The following MCM6 variants were observed in gnomAD, a reference collection of about 807,000 sequenced individuals.
The protein encoded by MCM6 is DNA replication licensing factor MCM6.
A neutral mutation model predicts 94.3 loss-of-function variants in MCM6; 46 were observed. The observed-to-expected ratio is 0.49, with a 90% CI of 0.39 to 0.62. The LOEUF (loss-of-function observed/expected upper bound fraction) is 0.62, where lower values mean the gene tolerates loss of function less well. MCM6 is among the 20% of genes least tolerant of loss of function. The pLI is 0.00. For missense variants in MCM6, 865 were observed against 1,017.9 expected, an observed-to-expected ratio of 0.85 and a Z score of 2.04; for synonymous variants, 335 against 351.9, an observed-to-expected ratio of 0.95 and a Z score of 0.54.
Position 135,848,139 on chromosome 2 carries a change from A to AT in MCM6, c.1966dup (p.Ile656AsnfsTer8). ...GACATCAGGTGTTTCCACACGGATG[A>AT]TTGATTTATTCAGTAACCGGAAAGC... On this transcript the variant is annotated frameshift_variant, in exon 14 of 17. Transcript: ENST00000264156. LOFTEE classifies it high-confidence loss of function. 1 of 1,611,592 alleles carries AT rather than the reference A, an allele frequency of 6.2e-7. No individual in the cohort carries two copies. The highest frequency in any genetic ancestry group is 1.1e-5 in the South Asian group (1 of 91,006).
rs146829469 is a variant in MCM6 at position 135,846,387 on chromosome 2, C to T, written c.2059G>A (p.Ala687Thr). The change falls in exon 15 of 17, where the codon GCT becomes ACT. Residue 687 changes from alanine to threonine, a missense_variant. Physicochemically the swap from Ala to Thr is moderately conservative, Grantham distance 58. Coordinates refer to ENST00000264156, the MANE Select transcript of MCM6 (RefSeq NM_005915.6). Reference sequence around the variant, plus strand: ...CCGTTCACAGGAGCAGGGCTGTCAGCATGACCTAAGTGAAAAATTGACCAC... The same window carrying T: ...CCGTTCACAGGAGCAGGGCTGTCAGTATGACCTAAGTGAAAAATTGACCAC... Reference protein sequence around the residue: ...DEGAGGINGHADSPAPVNGIN... With the variant: ...DEGAGGINGHTDSPAPVNGIN... The T allele has an allele frequency of 8.7e-6, 14 of 1,613,936 alleles. No individual in the cohort carries two copies. Among genetic ancestry groups the T allele is most frequent in the Non-Finnish European group, 1.1e-5 (13 of 1,179,914 alleles).
rs780883194 is a variant in MCM6, at chr2:135,839,727, A to AT, written c.*1107dup. 2 of 152,188 alleles carry AT rather than the reference A, an allele frequency of 1.3e-5. No individual in the cohort carries two copies. Among genetic ancestry groups the AT allele is most frequent in the Non-Finnish European group, 2.9e-5 (2 of 68,032 alleles). The allele number at this position is 152,188 out of a possible 1,614,324, so 9.4% of individuals were successfully genotyped here. Reference sequence around the variant, plus strand: ...ATACAAGTTGATTCCAGGGAAAGAGATAATTATTGGGAGAAACATATTTAA... The same window carrying AT: ...ATACAAGTTGATTCCAGGGAAAGAGATTAATTATTGGGAGAAACATATTTAA... On this transcript the variant is annotated 3_prime_UTR_variant, in exon 17 of 17. Transcript: ENST00000264156.
At chr2:135,869,939 A>C (rs1221516555) in intron 3 of MCM6, among the ~76,000 whole-genome samples, 1 of 152,110 alleles carries the variant, frequency 6.6e-6, no homozygotes, top group Non-Finnish European at 1.5e-5. Context: ...AATGCAAACC[A>C]CTATTTTTTC....
In MCM6 at chr2:135,846,289, C is replaced by T. The variant is rs1450829694; in HGVS notation, c.2157G>A (p.Glu719=). 1.9e-6 allele frequency: 3 copies of T among 1,614,010 alleles called. No individual in the cohort carries two copies. The highest frequency in any genetic ancestry group is 2.2e-5 in the East Asian group (1 of 44,888). ...PKASLRLGFS[E]YCRISNLIVL... Reference sequence around the variant, plus strand: ...CAATAAGGTTAGAGATTCGGCAGTACTCAGAGAAGCCCAGCCTTAAGGAGG... The same window carrying T: ...CAATAAGGTTAGAGATTCGGCAGTATTCAGAGAAGCCCAGCCTTAAGGAGG... Residue 719 remains glutamate, a synonymous_variant, in exon 15 of 17, where the codon GAG becomes GAA. Coordinates refer to ENST00000264156, the MANE Select transcript of MCM6 (RefSeq NM_005915.6).
At chr2:135,861,720 C>T (rs1679995955) in intron 8 of MCM6, among the ~76,000 whole-genome samples, 1 of 152,180 alleles carries the variant, frequency 6.6e-6, no homozygotes, top group South Asian at 2.1e-4. Context: ...TCACGCCATT[C>T]TCCTGCCTCA....
In MCM6 at chr2:135,876,366, A is replaced by G. The variant is rs1276191866; in HGVS notation, c.-1T>C. On this transcript the variant is annotated 5_prime_UTR_variant, in exon 1 of 17. Transcript: ENST00000264156. ...GCTCCGCTGCCGCCGCGAGGTCCAT[A>G]TTTGCTTAGTGCCGAGGATTCGCCT... is the stretch of plus-strand genomic sequence containing the variant. 5 of 1,603,418 alleles carry G rather than the reference A, an allele frequency of 3.1e-6. No individual in the cohort carries two copies. The Admixed American group carries it at 5.1e-5, about 16-fold the overall frequency.
At position 135,854,529 on chromosome 2, in the gene MCM6, C is replaced by CA. The variant is rs1181597035; in HGVS notation, c.1627-1615dup. Among the ~76,000 whole-genome samples the CA allele has an allele frequency of 2.4e-3, 120 of 49,952 alleles. 1 individual carries two copies. Among genetic ancestry groups the CA allele is most frequent in the African/African-American group, 8.7e-3 (108 of 12,434 alleles). 32.8% of individuals were successfully genotyped at this position (49,952 alleles called of 152,430 possible). ...TGGGTAACAGAGCGAGACTCCATCT[C>CA]AAAAAAAAAAAAAAAAAAAAAAGAG... On this transcript the variant is annotated intron_variant, in intron 11 of 16. Transcript: ENST00000264156.
intron 16 of MCM6, among the ~76,000 whole-genome samples, chr2:135,841,376 TAGG>T (rs1257678843): frequency 6.6e-6 from 1 of 152,148 alleles, no homozygotes; most frequent in Admixed American, 6.6e-5. Flanking sequence ...TTCATAGAGT[TAGG>T]AGAAGAATCT....
chr2:135,860,236 C>T lies in MCM6; in HGVS notation c.1221-794G>A, dbSNP rs553309980. Among the ~76,000 whole-genome samples, 20 of 151,970 alleles carry T rather than the reference C, an allele frequency of 1.3e-4. No individual in the cohort carries two copies. The South Asian group carries it at 2.5e-3, about 19-fold the overall frequency. ...CAAGCTCTGCCTACTGGGTTCATGCCATTCTCCTGCTTCAGCCTCTCGAGT... is the reference window on the plus strand; with the variant it reads ...CAAGCTCTGCCTACTGGGTTCATGCTATTCTCCTGCTTCAGCCTCTCGAGT... On this transcript the variant is annotated intron_variant, in intron 8 of 16. Transcript: ENST00000264156.
rs1680227315 is a variant in MCM6, at chr2:135,872,848, A to G, written c.108-5T>C. 1 of 1,613,756 alleles carries G rather than the reference A, an allele frequency of 6.2e-7. No homozygotes were observed. Among genetic ancestry groups the G allele is most frequent in the South Asian group, 1.1e-5 (1 of 91,064 alleles). ...TCTCCATCGCTGCTCTGAAACCTGC[A>G]GGTACATTCGAGTCAACTAGATTAA... On this transcript the variant is annotated splice_region_variant and splice_polypyrimidine_tract_variant and intron_variant, in intron 1 of 16. Transcript: ENST00000264156.
intron 11 of MCM6, among the ~76,000 whole-genome samples, chr2:135,853,708 T>G (rs1298925026): frequency 6.8e-6 from 1 of 146,570 alleles, no homozygotes; most frequent in South Asian, 2.3e-4. Flanking sequence ...CACTAAATTT[T>G]GAAGATATTC....
At position 135,866,744 on chromosome 2, in the gene MCM6, A is replaced by C. The variant is rs3087348; in HGVS notation, c.616-16T>G. 6.4e-3 allele frequency: 10,047 copies of C among 1,578,572 alleles called. 664 individuals carry two copies. In the East Asian group the frequency reaches 0.16, roughly 26 times the overall value. Reference sequence around the variant, plus strand: ...GAATACGAACCTGTAATACAGACAAACAACCAACCAAGAATGAGAAGCAAT... The same window carrying C: ...GAATACGAACCTGTAATACAGACAACCAACCAACCAAGAATGAGAAGCAAT... On this transcript the variant is annotated splice_polypyrimidine_tract_variant and intron_variant, in intron 4 of 16. Coordinates refer to ENST00000264156, the MANE Select transcript of MCM6 (RefSeq NM_005915.6).
rs188294979 is a variant in MCM6, at chr2:135,846,389, T to A, written c.2057A>T (p.His686Leu). Residue 686 changes from histidine to leucine, a missense_variant, in exon 15 of 17, where the codon CAT becomes CTT. This residue lies in a region of MCM6 where 308 missense variants were observed against 324.5 expected (regional missense o/e 0.95). Transcript: ENST00000264156. ...VDEGAGGING[H>L]ADSPAPVNGI... ...GTTCACAGGAGCAGGGCTGTCAGCA[T>A]GACCTAAGTGAAAAATTGACCACCT... The A allele has an allele frequency of 3.1e-6, 5 of 1,614,038 alleles. No individual in the cohort carries two copies. The Admixed American group carries it at 8.3e-5, about 27-fold the overall frequency.
chr2:135,866,155 A>T lies in MCM6; in HGVS notation c.904T>A (p.Cys302Ser). ...LSYRLVFLAC[C>S]VAPTNPRFGG... is the part of the protein sequence containing the mutation. ...ACCCTTGGGTTGGTTGGCGCAACAC[A>T]GCAGGCAAGAAAGACCAGCCTATAA... Residue 302 changes from cysteine to serine, a missense_variant, in exon 6 of 17, where the codon TGT (cysteine) becomes AGT (serine). Physicochemically the swap from Cys to Ser is moderately radical, Grantham distance 112 (BLOSUM62 -1). This residue lies in a region of MCM6 where 404 missense variants were observed against 451.9 expected (regional missense o/e 0.89). Transcript: ENST00000264156. 6.2e-7 allele frequency: 1 copy of T among 1,614,150 alleles called. No homozygotes were observed. Among genetic ancestry groups the T allele is most frequent in the Non-Finnish European group, 8.5e-7 (1 of 1,180,014 alleles).
At chr2:135,854,122 G>A (rs1467358111) in intron 11 of MCM6, among the ~76,000 whole-genome samples, 3 of 152,180 alleles carry the variant, frequency 2.0e-5, no homozygotes, top group Non-Finnish European at 4.4e-5. Flanking sequence ...AGCTGCTCAG[G>A]AGGCTGAGGT....
intron 16 of MCM6, among the ~76,000 whole-genome samples, chr2:135,843,745 A>ACAAAAAG (rs1558753170): frequency 6.6e-6 from 1 of 150,632 alleles, no homozygotes; most frequent in African/African-American, 2.4e-5. Flanking sequence ...AAAAAAAAAA[A>ACAAAAAG]AAACAAAACC....
At position 135,854,567 on chromosome 2, in the gene MCM6, AAAAAG is replaced by A. The variant is rs1156468899; in HGVS notation, c.1627-1657_1627-1653del. 2.2e-3 allele frequency among the ~76,000 whole-genome samples: 323 copies of A among 149,902 alleles called. 1 individual carries two copies. Among genetic ancestry groups the A allele is most frequent in the African/African-American group, 7.1e-3 (292 of 40,848 alleles). ...AAAAAAAAAAGAGAAAAAGAAAAAG[AAAAAG>A]AAAAAGAAAAGGCTTTTTGGCCAGG... On this transcript the variant is annotated intron_variant, in intron 11 of 16. Coordinates refer to ENST00000264156, the MANE Select transcript of MCM6 (RefSeq NM_005915.6).
chr2:135,875,397 T>C (rs1680275821), intron 1 of MCM6, among the ~76,000 whole-genome samples: 1 of 151,574 alleles, frequency 6.6e-6, no homozygotes, highest in African/African-American at 2.4e-5. Flanking sequence ...GGGAGAGTGG[T>C]GACGGCTGCA....
At chr2:135,871,389 C>A (rs1680197626) in intron 2 of MCM6, among the ~76,000 whole-genome samples, 1 of 152,196 alleles carries the variant, frequency 6.6e-6, no homozygotes, top group Admixed American at 6.5e-5. Flanking sequence ...TGCTTACTTA[C>A]CCCCTCCAAT....
Sources: gnomAD v4.1 joint callset for allele counts (sites outside exome capture counted in the v4.1 genomes callset) on GRCh38, gnomAD v4.1.1 for gene constraint, gnomAD v4.1.1 regional missense constraint, MANE v1.5 for transcripts, NCBI Gene and HGNC (gene_info 2026-07-23, HGNC 2026-07-21) for gene names.